The following ADGRB3 variants were observed in gnomAD, a reference collection of about 807,000 sequenced individuals.
The protein encoded by ADGRB3 is brain-specific angiogenesis inhibitor 3.
A neutral mutation model predicts 193.4 loss-of-function variants in ADGRB3; 37 were observed. That is an observed-to-expected ratio of 0.19 (90% CI 0.15 to 0.25). ADGRB3 has a LOEUF of 0.25. ADGRB3 is among the 10% of genes least tolerant of loss of function. The pLI is 1.00. For missense variants in ADGRB3, 1,637 were observed against 1,852.9 expected, an observed-to-expected ratio of 0.88 and a Z score of 2.14; for synonymous variants, 690 against 644.2, an observed-to-expected ratio of 1.07 and a Z score of -1.08.
chr6:68,687,580 A>C (rs1582124212), intron 3 of ADGRB3, among the ~76,000 whole-genome samples: 1 of 152,180 alleles, frequency 6.6e-6, no homozygotes, highest in East Asian at 1.9e-4. Context: ...AATTGTGGCC[A>C]TACTTGTTTC....
chr6:68,682,908 G>A (rs1166570634), intron 3 of ADGRB3, among the ~76,000 whole-genome samples: 1 of 151,718 alleles, frequency 6.6e-6, no homozygotes, highest in Admixed American at 6.6e-5. Context: ...CTCCCAAGTA[G>A]CTGGGATTAT....
At chr6:69,259,901 T>C (rs1052488639) in intron 20 of ADGRB3, among the ~76,000 whole-genome samples, 9 of 152,166 alleles carry the variant, frequency 5.9e-5, no homozygotes, top group Admixed American at 2.6e-4. Flanking sequence ...TTGTAGGTTA[T>C]AATAAGCCTA....
intron 17 of ADGRB3, among the ~76,000 whole-genome samples, chr6:69,198,783 A>T (rs913599132): frequency 1.3e-5 from 2 of 152,154 alleles, no homozygotes; most frequent in African/African-American, 4.8e-5. Flanking sequence ...ATTAATTAAT[A>T]AATGAATAAG....
At chr6:69,132,131 G>C (rs549660187) in intron 17 of ADGRB3, among the ~76,000 whole-genome samples, 1 of 152,098 alleles carries the variant, frequency 6.6e-6, no homozygotes, top group South Asian at 2.1e-4. Context: ...TAATCCTTTG[G>C]GTATATACCC....
intron 3 of ADGRB3, among the ~76,000 whole-genome samples, chr6:68,930,014 A>G (rs978780812): frequency 6.6e-6 from 1 of 151,718 alleles, no homozygotes; most frequent in African/African-American, 2.4e-5. Flanking sequence ...GAACAATGCC[A>G]CTATATTCCA....
intron 3 of ADGRB3, among the ~76,000 whole-genome samples, chr6:68,659,544 A>T (rs904166480): frequency 6.6e-6 from 1 of 150,796 alleles, no homozygotes; most frequent in African/African-American, 2.4e-5. Context: ...ACTTTTATTG[A>T]TTTTTTAATG....
At chr6:69,193,233 A>G (rs1027745326) in intron 17 of ADGRB3, among the ~76,000 whole-genome samples, 2 of 151,974 alleles carry the variant, frequency 1.3e-5, no homozygotes, top group East Asian at 1.9e-4. Context: ...TCAACATTCC[A>G]TCTTCTGCCA....
At chr6:68,766,813 G>A (rs546295914) in intron 3 of ADGRB3, among the ~76,000 whole-genome samples, 159 of 152,004 alleles carry the variant, frequency 1.0e-3, no homozygotes, top group African/African-American at 3.8e-3. Context: ...GCTTATTTAT[G>A]CTGCAAATAT....
chr6:69,336,491 T>C (rs969564843), intron 24 of ADGRB3, among the ~76,000 whole-genome samples: 9 of 152,002 alleles, frequency 5.9e-5, no homozygotes, highest in South Asian at 2.1e-4. Flanking sequence ...AGTCAGACTT[T>C]TTTTCTTTAA....
intron 13 of ADGRB3, among the ~76,000 whole-genome samples, chr6:69,019,940 G>A (rs1185476311): frequency 6.6e-6 from 1 of 151,936 alleles, no homozygotes; most frequent in Non-Finnish European, 1.5e-5. Context: ...CCATAGGAAC[G>A]GTATAACATG....
chr6:69,105,704 T>A (rs1773187285), intron 17 of ADGRB3, among the ~76,000 whole-genome samples: 1 of 152,252 alleles, frequency 6.6e-6, no homozygotes, highest in South Asian at 2.1e-4. Context: ...GTTTTATCTC[T>A]CTTTTATGAA....
At chr6:68,952,038 A>T (rs1240728881) in intron 6 of ADGRB3, among the ~76,000 whole-genome samples, 1 of 152,154 alleles carries the variant, frequency 6.6e-6, no homozygotes, top group Non-Finnish European at 1.5e-5. Context: ...AATTGTTTTT[A>T]TTTTTACATT....
chr6:69,007,651 A>C (rs544208811), intron 11 of ADGRB3, among the ~76,000 whole-genome samples: 1 of 148,986 alleles, frequency 6.7e-6, no homozygotes, highest in South Asian at 2.1e-4. Flanking sequence ...CCTGATGACT[A>C]TCTAATCTAA....
chr6:68,819,079 C>G (rs573503426), intron 3 of ADGRB3, among the ~76,000 whole-genome samples: 27 of 152,108 alleles, frequency 1.8e-4, no homozygotes, highest in Middle Eastern at 6.8e-3. Flanking sequence ...AATTATCCAG[C>G]CTTTAGTATA....
intron 3 of ADGRB3, among the ~76,000 whole-genome samples, chr6:68,866,114 C>A (rs1166349030): frequency 8.6e-6 from 1 of 116,414 alleles, no homozygotes; most frequent in East Asian, 3.1e-4. Context: ...CAGAATTTGG[C>A]ACTAAGTCCC....
At chr6:68,932,432 T>C (rs1394297294) in intron 4 of ADGRB3, among the ~76,000 whole-genome samples, 3 of 152,158 alleles carry the variant, frequency 2.0e-5, no homozygotes, top group Admixed American at 6.6e-5. Flanking sequence ...AACATTGTGT[T>C]TTCCTAGTAA....
chr6:68,915,289 C>A (rs533133482), intron 3 of ADGRB3, among the ~76,000 whole-genome samples: 1 of 57,850 alleles, frequency 1.7e-5, no homozygotes, highest in African/African-American at 6.9e-5. Context: ...TAGGACCTAA[C>A]TCATCCAGTT....
intron 3 of ADGRB3, among the ~76,000 whole-genome samples, chr6:68,916,065 G>C (rs1038962039): frequency 1.3e-5 from 2 of 151,912 alleles, no homozygotes; most frequent in Admixed American, 6.6e-5. Flanking sequence ...AGCAAACCAA[G>C]AACTAGGAAA....
intron 31 of ADGRB3, among the ~76,000 whole-genome samples, chr6:69,385,909 CCA>C (rs1770060135): frequency 6.6e-6 from 1 of 151,978 alleles, no homozygotes; most frequent in African/African-American, 2.4e-5. Context: ...CTCCTGGGTA[CCA>C]CACACTGACA....
Sources: allele counts gnomAD v4.1 joint callset (sites outside exome capture counted in the v4.1 genomes callset), GRCh38; gene constraint gnomAD v4.1.1; transcripts MANE v1.5; gene names NCBI Gene and HGNC (gene_info 2026-07-23, HGNC 2026-07-21).